Variants in DAB2IP observed in about 807,000 individuals in gnomAD.
The protein encoded by DAB2IP is disabled homolog 2-interacting protein.
DAB2IP carries 28 observed loss-of-function variants against 107.2 expected under a neutral mutation model. That is an observed-to-expected ratio of 0.26 (90% CI 0.19 to 0.36). DAB2IP has a LOEUF of 0.36. DAB2IP is among the 10% of genes least tolerant of loss of function. The pLI, the probability that DAB2IP is intolerant of heterozygous loss-of-function variation, is 1.00. For synonymous variants in DAB2IP, 755 were observed against 706.4 expected, an observed-to-expected ratio of 1.07 and a Z score of -1.09; for missense variants, 1,400 against 1,644.7, an observed-to-expected ratio of 0.85 and a Z score of 2.57.
chr9:121,752,157 G>A (rs551651244), intron 3 of DAB2IP, among the ~76,000 whole-genome samples: 36 of 152,342 alleles, frequency 2.4e-4, no homozygotes, highest in Non-Finnish European at 5.0e-4. Context: ...AAGGGCAGGG[G>A]CATTTCCCGG....
At chr9:121,653,577 G>A (rs576004735) in intron 1 of DAB2IP, among the ~76,000 whole-genome samples, 2 of 152,120 alleles carry the variant, frequency 1.3e-5, no homozygotes, top group Admixed American at 6.5e-5. Context: ...AAAATGCCCA[G>A]TACTGTTCAG....
chr9:121,631,439 G>A (rs2119016691), intron 1 of DAB2IP, among the ~76,000 whole-genome samples: 1 of 152,046 alleles, frequency 6.6e-6, no homozygotes, highest in Non-Finnish European at 1.5e-5. Flanking sequence ...TGGGGCATGA[G>A]TGGTGCCCAG....
intron 3 of DAB2IP, among the ~76,000 whole-genome samples, chr9:121,733,525 C>T (rs114500751): frequency 1.2e-4 from 19 of 152,318 alleles, no homozygotes; most frequent in African/African-American, 4.1e-4. Context: ...GGGGAGAAGA[C>T]GGCCTGCAGT....
At chr9:121,681,946 A>T (rs1828624627) in intron 2 of DAB2IP, among the ~76,000 whole-genome samples, 2 of 152,216 alleles carry the variant, frequency 1.3e-5, no homozygotes, top group Non-Finnish European at 2.9e-5. Flanking sequence ...GACCCATGGT[A>T]GGTGCTTCAT....
chr9:121,710,780 G>A (rs1231518664), intron 3 of DAB2IP, among the ~76,000 whole-genome samples: 1 of 152,188 alleles, frequency 6.6e-6, no homozygotes, highest in Non-Finnish European at 1.5e-5. Context: ...TGGGAAGATG[G>A]GTGAAGCTGG....
intron 1 of DAB2IP, among the ~76,000 whole-genome samples, chr9:121,641,230 C>T (rs1371994189): frequency 6.6e-6 from 1 of 152,218 alleles, no homozygotes; most frequent in Non-Finnish European, 1.5e-5. Context: ...AATGCTCTTC[C>T]CAGGATGGGG....
intron 1 of DAB2IP, among the ~76,000 whole-genome samples, chr9:121,640,353 C>T (rs1441029784): frequency 6.8e-6 from 1 of 147,914 alleles, no homozygotes; most frequent in East Asian, 1.9e-4. Context: ...GCATGGGAGC[C>T]TGTGTCAGGG....
chr9:121,698,079 C>T lies in DAB2IP; in HGVS notation c.229-1246C>T, dbSNP rs919378201. 1.3e-5 allele frequency among the ~76,000 whole-genome samples: 2 copies of T among 152,190 alleles called. No individual in the cohort carries two copies. The highest frequency in any genetic ancestry group is 4.8e-5 in the African/African-American group (2 of 41,424). On this transcript the variant is annotated intron_variant, in intron 2 of 15. Coordinates refer to ENST00000408936, the Ensembl canonical transcript of DAB2IP. This position sits in a 1 kb window ranked among gnomAD's most constrained non-coding sequence, Gnocchi z 4.1. The stretch of plus-strand genomic sequence containing the variant: ...GGGCCTGTGCCAAACATCCACTGCT[C>T]CTCTTGAACACAGAGAGGGCTGCCA...
chr9:121,680,276 A>G (rs1451728705), intron 2 of DAB2IP, among the ~76,000 whole-genome samples: 1 of 152,230 alleles, frequency 6.6e-6, no homozygotes, highest in East Asian at 1.9e-4. Flanking sequence ...CACTGCCAGT[A>G]TGTTATAAAA....
At chr9:121,643,535 T>C (rs1832434045) in intron 1 of DAB2IP, among the ~76,000 whole-genome samples, 1 of 151,998 alleles carries the variant, frequency 6.6e-6, no homozygotes, top group Non-Finnish European at 1.5e-5. Context: ...AGCCTCACCA[T>C]CCTACCCACT....
chr9:121,772,725 A>G lies in DAB2IP; in HGVS notation c.2197A>G (p.Asn733Asp). The G allele has an allele frequency of 6.2e-7, 1 of 1,614,040 alleles. No homozygotes were observed. Among genetic ancestry groups the G allele is most frequent in the South Asian group, 1.1e-5 (1 of 91,088 alleles). ...CCGCAGCTCGAGTTACTCGGAAGCC[A>G]ACGAGCCTGATCTTCAGATGGCCAA... is the stretch of plus-strand genomic sequence containing the variant. Residue 733 changes from asparagine (N) to aspartate (D), a missense_variant, in exon 12 of 16, where the codon AAC (asparagine) becomes GAC (aspartate). By Grantham distance (23) the Asn-to-Asp change is conservative. Coordinates refer to ENST00000408936, the Ensembl canonical transcript of DAB2IP. This position sits in a 1 kb window ranked among gnomAD's most constrained non-coding sequence, Gnocchi z 4.7.
intron 1 of DAB2IP, among the ~76,000 whole-genome samples, chr9:121,659,180 T>G (rs1833092736): frequency 6.6e-6 from 1 of 152,234 alleles, no homozygotes; most frequent in South Asian, 2.1e-4. Flanking sequence ...CCAAGGGTGC[T>G]GGGCAGTCGG....
intron 2 of DAB2IP, among the ~76,000 whole-genome samples, chr9:121,691,246 G>T (rs1244867625): frequency 2.0e-5 from 3 of 151,884 alleles, no homozygotes; most frequent in Admixed American, 6.5e-5. Flanking sequence ...AGTATGGGGT[G>T]GGGGAGGCAC....
chr9:121,773,220 G>A, exon 12 of DAB2IP: 1 of 1,563,866 alleles, frequency 6.4e-7, no homozygotes, highest in Non-Finnish European at 8.7e-7. Context: ...GTCACTGACT[G>A]AAAAAGGCGG....
At chr9:121,583,528 C>T (rs551083134) in intron 1 of DAB2IP, among the ~76,000 whole-genome samples, 81 of 152,242 alleles carry the variant, frequency 5.3e-4, no homozygotes, top group African/African-American at 1.2e-3. Context: ...CAGAGCAATA[C>T]TATTTCTCTG....
chr9:121,766,767 G>T lies in DAB2IP; in HGVS notation c.1697+37G>T, dbSNP rs751050584. The T allele has an allele frequency of 3.1e-6, 5 of 1,606,164 alleles. 1 individual carries two copies. In the South Asian group the frequency reaches 5.5e-5, roughly 18 times the overall value. On this transcript the variant is annotated intron_variant, in intron 9 of 15. Transcript: ENST00000408936. ...CTCCCTCACCAGGCAGAGTTGGGCA[G>T]GGCTGGTGTCCACAGGGCAGGCCCT...
At chr9:121,692,649 T>C (rs545165699) in intron 2 of DAB2IP, among the ~76,000 whole-genome samples, 3 of 152,224 alleles carry the variant, frequency 2.0e-5, no homozygotes, top group Non-Finnish European at 4.4e-5. Context: ...TATGAGATTG[T>C]AGAGGATTCT....
intron 1 of DAB2IP, among the ~76,000 whole-genome samples, chr9:121,638,082 C>T (rs1223033710): frequency 1.3e-5 from 2 of 152,194 alleles, no homozygotes; most frequent in East Asian, 3.9e-4. Flanking sequence ...AGCAGTGTGC[C>T]AGGAGAGACA....
intron 1 of DAB2IP, among the ~76,000 whole-genome samples, chr9:121,665,398 T>C (rs1833375303): frequency 6.6e-6 from 1 of 152,058 alleles, no homozygotes; most frequent in Non-Finnish European, 1.5e-5. Context: ...AGGTGGAAAT[T>C]TGGGGGGAAA....
Sources: gnomAD v4.1 joint callset for allele counts (sites outside exome capture counted in the v4.1 genomes callset) on GRCh38, gnomAD v4.1.1 for gene constraint, Gnocchi (gnomAD v3.1) non-coding constraint, MANE v1.5 for transcripts, NCBI Gene and HGNC (gene_info 2026-07-23, HGNC 2026-07-21) for gene names.